The following FAM13A variants were observed in gnomAD, a reference collection of about 807,000 sequenced individuals.
FAM13A encodes the protein protein FAM13A.
A neutral mutation model predicts 129.6 loss-of-function variants in FAM13A; 76 were observed. The observed-to-expected ratio is 0.59, with a 90% CI of 0.49 to 0.71. The LOEUF is 0.71. FAM13A is among the 30% of genes least tolerant of loss of function. The pLI is 0.00. For missense variants in FAM13A, 1,108 were observed against 1,249.3 expected (o/e 0.89, Z 1.70); for synonymous variants, 443 against 449.9 (o/e 0.98, Z 0.20).
Position 88,948,010 on chromosome 4 carries a change from C to T in FAM13A, c.606-9769G>A, listed in dbSNP as rs369638069. Among the ~76,000 whole-genome samples the T allele has an allele frequency of 2.6e-5, 4 of 152,192 alleles. No homozygotes were observed. The East Asian group carries it at 5.8e-4, about 22-fold the overall frequency. On this transcript the variant is annotated intron_variant, in intron 4 of 23. Transcript: ENST00000264344. ...ATGATTAGGGAAAAAAGTCTAAAAA[C>T]GCTCTTTAGAAGAACAATAATGCAA...
intron 23 of FAM13A, chr4:88,729,664 C>T (rs886785590): frequency 1.3e-5 from 2 of 152,158 alleles, no homozygotes; most frequent in Admixed American, 6.5e-5. Flanking sequence ...TCCTCAGACA[C>T]GAAGTCATGG....
At position 88,767,880 on chromosome 4, in the gene FAM13A, C is replaced by T; in HGVS notation, c.1535+103G>A. 3.9e-6 allele frequency: 3 copies of T among 762,340 alleles called. No individual in the cohort carries two copies. In the South Asian group the frequency reaches 5.0e-5, roughly 13 times the overall value. The allele number at this position is 762,340 out of a possible 1,614,324, so 47.2% of individuals were successfully genotyped here. ...AAATATTGCTGGTAAATATATAGTC[C>T]TTTAATTCCATTCTTTTTAGTTCTT... On this transcript the variant is annotated intron_variant, in intron 12 of 23. Transcript: ENST00000264344.
chr4:88,848,455 T>A (rs931189379), intron 7 of FAM13A, among the ~76,000 whole-genome samples: 6 of 152,154 alleles, frequency 3.9e-5, no homozygotes, highest in African/African-American at 1.4e-4. Context: ...AAACCCCAGA[T>A]GAAACACAAT....
At chr4:89,044,650 C>T (rs781519125) in intron 1 of FAM13A, among the ~76,000 whole-genome samples, 2 of 151,900 alleles carry the variant, frequency 1.3e-5, no homozygotes, top group South Asian at 4.2e-4. Context: ...TTCACGACAG[C>T]CAAAAAGTAG....
At chr4:88,983,053 T>C (rs1280245234) in intron 4 of FAM13A, among the ~76,000 whole-genome samples, 1 of 152,176 alleles carries the variant, frequency 6.6e-6, no homozygotes, top group African/African-American at 2.4e-5. Flanking sequence ...TCAGCTCCCC[T>C]GGGACTGAGT....
chr4:88,729,370 C>G (rs771932206), intron 23 of FAM13A: 1 of 152,178 alleles, frequency 6.6e-6, no homozygotes, highest in Non-Finnish European at 1.5e-5. Context: ...TCTTGGCCAC[C>G]ACGCGGTGCG....
At chr4:88,874,588 G>A (rs538465321) in intron 6 of FAM13A, among the ~76,000 whole-genome samples, 91 of 152,290 alleles carry the variant, frequency 6.0e-4, no homozygotes, top group African/African-American at 1.8e-3. Context: ...GACAAGGGAC[G>A]TGAAGGACCT....
chr4:89,025,262 T>G (rs1395659244), intron 2 of FAM13A, among the ~76,000 whole-genome samples: 2 of 122,824 alleles, frequency 1.6e-5, no homozygotes, highest in African/African-American at 5.9e-5. Flanking sequence ...TTTTTTTTTT[T>G]TTTTTTTTTT....
chr4:88,846,975 G>T (rs1393642855), intron 7 of FAM13A, among the ~76,000 whole-genome samples: 1 of 152,068 alleles, frequency 6.6e-6, no homozygotes, highest in Non-Finnish European at 1.5e-5. Flanking sequence ...CTTTTAACAT[G>T]ATTTGGTTAC....
At chr4:89,024,069 A>G (rs940243061) in intron 2 of FAM13A, among the ~76,000 whole-genome samples, 5 of 152,246 alleles carry the variant, frequency 3.3e-5, no homozygotes, top group Admixed American at 1.3e-4. Context: ...TGAAGAAAAA[A>G]TTATATAAGC....
intron 5 of FAM13A, among the ~76,000 whole-genome samples, chr4:88,914,488 T>C (rs558252677): frequency 6.6e-6 from 1 of 152,334 alleles, no homozygotes; most frequent in African/African-American, 2.4e-5. Flanking sequence ...AGTCCCTTCC[T>C]GCCTTCCAGC....
At chr4:88,804,604 G>A (rs1227740635) in intron 8 of FAM13A, among the ~76,000 whole-genome samples, 1 of 152,050 alleles carries the variant, frequency 6.6e-6, no homozygotes. Flanking sequence ...TTCCTTCTCC[G>A]CTATGACATA....
At chr4:89,021,695 T>C (rs969053596) in intron 2 of FAM13A, among the ~76,000 whole-genome samples, 2 of 152,022 alleles carry the variant, frequency 1.3e-5, no homozygotes, top group African/African-American at 4.8e-5. Flanking sequence ...AGCTAAGAAG[T>C]AGAGTATGGA....
chr4:88,923,114 C>T (rs947974112), intron 5 of FAM13A, among the ~76,000 whole-genome samples: 1 of 152,114 alleles, frequency 6.6e-6, no homozygotes, highest in Non-Finnish European at 1.5e-5. Context: ...CGAATTCTAC[C>T]AGAGGTACAA....
chr4:88,766,335 G>A (rs924311418), intron 13 of FAM13A, among the ~76,000 whole-genome samples: 2 of 152,152 alleles, frequency 1.3e-5, no homozygotes, highest in African/African-American at 2.4e-5. Flanking sequence ...AGGAAATAAT[G>A]TCAGCTTGTT....
At chr4:88,933,405 G>A (rs1753357660) in intron 5 of FAM13A, among the ~76,000 whole-genome samples, 1 of 152,132 alleles carries the variant, frequency 6.6e-6, no homozygotes, top group Middle Eastern at 3.4e-3. Context: ...GGGTCAATAA[G>A]GAGAAACCAT....
At position 88,870,860 on chromosome 4, in the gene FAM13A, C is replaced by T. The variant is rs574803924; in HGVS notation, c.844-19677G>A. ...CTCTGTGTAGCCTAACTGGGAGACACCTCCCAGTAGGGGGCAACTGACACC... is the reference window on the plus strand; with the variant it reads ...CTCTGTGTAGCCTAACTGGGAGACATCTCCCAGTAGGGGGCAACTGACACC... On this transcript the variant is annotated intron_variant, in intron 6 of 23. Coordinates refer to ENST00000264344, the MANE Select transcript of FAM13A (RefSeq NM_014883.4). 3.9e-5 allele frequency among the ~76,000 whole-genome samples: 6 copies of T among 152,326 alleles called. No homozygotes were observed. In the East Asian group the frequency reaches 1.2e-3, roughly 29 times the overall value.
chr4:89,045,643 G>GA (rs1188597296), intron 1 of FAM13A, among the ~76,000 whole-genome samples: 2 of 152,118 alleles, frequency 1.3e-5, no homozygotes, highest in Non-Finnish European at 2.9e-5. Context: ...TGTAATAAAA[G>GA]AAAAATAAGA....
intron 4 of FAM13A, among the ~76,000 whole-genome samples, chr4:88,953,108 T>G (rs1442718269): frequency 6.6e-6 from 1 of 152,168 alleles, no homozygotes; most frequent in African/African-American, 2.4e-5. Flanking sequence ...ATATTGAGAC[T>G]AGTACATCCA....
Sources: gnomAD v4.1 joint callset for allele counts (sites outside exome capture counted in the v4.1 genomes callset) on GRCh38, gnomAD v4.1.1 for gene constraint, MANE v1.5 for transcripts, NCBI Gene and HGNC (gene_info 2026-07-23, HGNC 2026-07-21) for gene names.